TRAPPC9: variants seen among roughly 807,000 people sequenced by gnomAD.
TRAPPC9 encodes trafficking protein particle complex subunit 9.
Under a neutral mutation model 124.0 loss-of-function variants are expected in TRAPPC9, and 83 were observed. That is an observed-to-expected ratio of 0.67 (90% CI 0.56 to 0.80). The LOEUF (loss-of-function observed/expected upper bound fraction) is 0.80, where lower values mean the gene tolerates loss of function less well. TRAPPC9 is among the 30% of genes least tolerant of loss of function. The pLI, the probability that TRAPPC9 is intolerant of heterozygous loss-of-function variation, is 0.00. For missense variants in TRAPPC9, 1,302 were observed against 1,508.3 expected (o/e 0.86, Z 2.27); for synonymous variants, 638 against 617.5 (o/e 1.03, Z -0.49).
chr8:139,775,577 G>A (rs908852688), intron 21 of TRAPPC9, among the ~76,000 whole-genome samples: 1 of 152,202 alleles, frequency 6.6e-6, no homozygotes, highest in Non-Finnish European at 1.5e-5. Flanking sequence ...CTGGGGGCAC[G>A]GCGGCAGCCC....
intron 17 of TRAPPC9, among the ~76,000 whole-genome samples, chr8:140,067,133 A>G (rs77792984): frequency 0.011 from 1,670 of 152,156 alleles, 28 homozygotes; most frequent in African/African-American, 0.038. Context: ...TTCTAATTCA[A>G]TCTTCTAAGG....
chr8:140,239,042 A>G (rs930735954), intron 16 of TRAPPC9, among the ~76,000 whole-genome samples: 3 of 152,138 alleles, frequency 2.0e-5, no homozygotes, highest in African/African-American at 7.2e-5. Flanking sequence ...GGGAAGAGGG[A>G]GCAGGCCCCG....
rs181981048 is a variant in TRAPPC9 at position 139,756,844 on chromosome 8, G to A, written c.3056-24642C>T. Reference sequence around the variant, plus strand: ...GGATTGGGGATGAGGACAGCATGTCGCAGGAGGAGCCAGGGATTGGGGATG... The same window carrying A: ...GGATTGGGGATGAGGACAGCATGTCACAGGAGGAGCCAGGGATTGGGGATG... On this transcript the variant is annotated intron_variant, in intron 21 of 22. Transcript: ENST00000438773. Among the ~76,000 whole-genome samples the A allele has an allele frequency of 3.1e-3, 401 of 130,828 alleles. 1 individual carries two copies. The highest frequency in any genetic ancestry group is 0.012 in the African/African-American group (382 of 32,964). The allele number at this position is 130,828 out of a possible 152,430, so 85.8% of individuals were successfully genotyped here.
At chr8:139,761,972 A>T (rs1820261455) in intron 21 of TRAPPC9, among the ~76,000 whole-genome samples, 1 of 151,616 alleles carries the variant, frequency 6.6e-6, no homozygotes, top group Non-Finnish European at 1.5e-5. Context: ...TGTTTCTTTT[A>T]CACTTGTACA....
chr8:139,958,284 T>C (rs1274022631), intron 19 of TRAPPC9, among the ~76,000 whole-genome samples: 3 of 152,208 alleles, frequency 2.0e-5, no homozygotes, highest in South Asian at 4.1e-4. Flanking sequence ...GTGTGTGTCT[T>C]TGTTCCTGCC....
chr8:140,219,840 G>A (rs2063294240), intron 17 of TRAPPC9, among the ~76,000 whole-genome samples: 1 of 152,226 alleles, frequency 6.6e-6, no homozygotes, highest in Non-Finnish European at 1.5e-5. Context: ...ATGAGCCACT[G>A]ACCCTGGCTC....
intron 21 of TRAPPC9, among the ~76,000 whole-genome samples, chr8:139,830,187 T>C (rs553241894): frequency 2.6e-5 from 4 of 152,092 alleles, no homozygotes; most frequent in Middle Eastern, 3.4e-3. Context: ...CACACATGTA[T>C]ACAAACACAT....
Position 140,252,736 on chromosome 8 carries a change from T to C in TRAPPC9, c.2431+41A>G, listed in dbSNP as rs2064157823. ...GGGATGGGGGTTGCTACACAGTATC[T>C]AGGACCCTGACGTGCTAATTAAAAT... On this transcript the variant is annotated intron_variant, in intron 16 of 22. Transcript: ENST00000438773. This position sits in a 1 kb window ranked among gnomAD's most constrained non-coding sequence, Gnocchi z 4.2. The C allele has an allele frequency of 5.6e-6, 9 of 1,608,158 alleles. No individual in the cohort carries two copies. Among genetic ancestry groups the C allele is most frequent in the Non-Finnish European group, 7.6e-6 (9 of 1,179,356 alleles).
chr8:140,186,800 C>G (rs1316376157), intron 17 of TRAPPC9, among the ~76,000 whole-genome samples: 1 of 152,158 alleles, frequency 6.6e-6, no homozygotes, highest in Non-Finnish European at 1.5e-5. Flanking sequence ...CACTTGCCCT[C>G]AGGTGCAGAA....
chr8:139,840,440 G>A (rs1174129950), intron 21 of TRAPPC9, among the ~76,000 whole-genome samples: 1 of 152,204 alleles, frequency 6.6e-6, no homozygotes, highest in African/African-American at 2.4e-5. Context: ...AAATCTTCAT[G>A]GCAAAGGCAC....
At chr8:140,410,711 C>T (rs921279939) in intron 5 of TRAPPC9, among the ~76,000 whole-genome samples, 6 of 151,746 alleles carry the variant, frequency 4.0e-5, no homozygotes, top group South Asian at 2.1e-4. Flanking sequence ...GGCGTGGTGG[C>T]GGGCACCTGT....
intron 5 of TRAPPC9, among the ~76,000 whole-genome samples, chr8:140,408,310 AC>A (rs1215125683): frequency 6.6e-6 from 1 of 152,096 alleles, no homozygotes; most frequent in African/African-American, 2.4e-5. Context: ...AAAAGGCACC[AC>A]CAAAAAGGTT....
chr8:140,148,035 G>C (rs543566144), intron 17 of TRAPPC9, among the ~76,000 whole-genome samples: 1 of 152,214 alleles, frequency 6.6e-6, no homozygotes, highest in Non-Finnish European at 1.5e-5. Context: ...CTCTGGCCCC[G>C]GGGGCACAGC....
At chr8:140,254,371 G>A (rs927404776) in intron 15 of TRAPPC9, among the ~76,000 whole-genome samples, 62 of 152,200 alleles carry the variant, frequency 4.1e-4, no homozygotes, top group African/African-American at 9.4e-4. Flanking sequence ...CCCAAAGCCC[G>A]CCTCCCCCAG....
intron 21 of TRAPPC9, among the ~76,000 whole-genome samples, chr8:139,821,150 T>C (rs986185540): frequency 2.0e-5 from 3 of 152,202 alleles, no homozygotes; most frequent in African/African-American, 7.2e-5. Context: ...CACAATTCTA[T>C]AGAAGAGGCA....
chr8:140,183,555 A>G (rs1202066309), intron 17 of TRAPPC9, among the ~76,000 whole-genome samples: 1 of 152,196 alleles, frequency 6.6e-6, no homozygotes, highest in East Asian at 1.9e-4. Flanking sequence ...TCTGCCAATT[A>G]GAAATGGAGA....
intron 21 of TRAPPC9, among the ~76,000 whole-genome samples, chr8:139,732,614 G>A (rs1485070103): frequency 6.6e-6 from 1 of 152,246 alleles, no homozygotes; most frequent in Non-Finnish European, 1.5e-5. Flanking sequence ...TGAGCTTTGG[G>A]GCACAGGCAG....
intron 21 of TRAPPC9, among the ~76,000 whole-genome samples, chr8:139,800,805 TACCTTCCCTCCCTCCAGC>T (rs1248141496): frequency 2.2e-5 from 3 of 138,830 alleles, no homozygotes; most frequent in South Asian, 2.5e-4. Flanking sequence ...CCGGTATCTT[TACCTTCCCTCCCTCCAGC>T]ACCTTCCCTC....
In TRAPPC9 at chr8:139,920,002, T is replaced by G. The variant is rs185931555; in HGVS notation, c.2811-9702A>C. Among the ~76,000 whole-genome samples, 19 of 152,358 alleles carry G rather than the reference T, an allele frequency of 1.2e-4. No individual in the cohort carries two copies. The East Asian group carries it at 3.7e-3, about 29-fold the overall frequency. On this transcript the variant is annotated intron_variant, in intron 19 of 22. Transcript: ENST00000438773. Reference sequence around the variant, plus strand: ...TGGGTTTTTGGGTTTTCTCCAATGTTCCTCACTGAAAATTCTGAAGATGTT... The same window carrying G: ...TGGGTTTTTGGGTTTTCTCCAATGTGCCTCACTGAAAATTCTGAAGATGTT...
Sources: allele counts gnomAD v4.1 joint callset (sites outside exome capture counted in the v4.1 genomes callset), GRCh38; gene constraint gnomAD v4.1.1; non-coding constraint Gnocchi (gnomAD v3.1); transcripts MANE v1.5; gene names NCBI Gene and HGNC (gene_info 2026-07-23, HGNC 2026-07-21).